FRMD8: variants seen among roughly 807,000 people sequenced by gnomAD.
The protein encoded by FRMD8 is FERM domain-containing protein 8.
Under a neutral mutation model 54.2 loss-of-function variants are expected in FRMD8, and 37 were observed. That is an observed-to-expected ratio of 0.68 (90% CI 0.53 to 0.90). The LOEUF (loss-of-function observed/expected upper bound fraction) is 0.90. Among genes scored for constraint, FRMD8 ranks in the 40% least tolerant of loss-of-function variants. FRMD8 has a pLI of 0.00. For synonymous variants in FRMD8, 246 were observed against 286.9 expected, an observed-to-expected ratio of 0.86 and a Z score of 1.44; for missense variants, 585 against 653.7, an observed-to-expected ratio of 0.89 and a Z score of 1.15.
the FRMD8 span, among the ~76,000 whole-genome samples, chr11:65,370,993 G>A: frequency 6.6e-6 from 1 of 152,196 alleles, no homozygotes; most frequent in Non-Finnish European, 1.5e-5. Context: ...GAGCTCCTCT[G>A]AGGCATCGGC....
At chr11:65,393,978 T>C in intron 4 of FRMD8, 63 bp from the exon 5 acceptor site, 1 of 1,571,354 alleles carries the variant, frequency 6.4e-7, no homozygotes, top group Non-Finnish European at 8.7e-7. Context: ...CCTGGGCCAA[T>C]CGGGAGAGGG....
the FRMD8 span, chr11:65,380,651 G>A: frequency 7.9e-7 from 1 of 1,271,386 alleles, no homozygotes. Context: ...GGTCATGCCT[G>A]GGCACCTGCA....
the FRMD8 span, among the ~76,000 whole-genome samples, chr11:65,370,570 G>A: frequency 2.6e-5 from 4 of 151,026 alleles, no homozygotes; most frequent in East Asian, 4.0e-4. Context: ...GTGTGATGGC[G>A]GGTGCCTGTA....
chr11:65,396,916 C>T lies in FRMD8; in HGVS notation c.699C>T (p.Ala233=), dbSNP rs764605271. Residue 233 remains alanine, a synonymous_variant, in exon 7 of 11, where the codon GCC becomes GCT. Coordinates refer to ENST00000317568, the MANE Select transcript of FRMD8 (RefSeq NM_031904.5). ...AGPGEQGLLN[A]YRQVQEVSSD... ...CGGGCGAGCAGGGCCTGCTGAACGC[C>T]TACCGCCAGGTGCAGGAGGTCAGCA... 3.9e-6 allele frequency: 6 copies of T among 1,554,476 alleles called. No homozygotes were observed. In the South Asian group the frequency reaches 7.2e-5, roughly 19 times the overall value.
chr11:65,380,045 C>T, the FRMD8 span: 1 of 1,584,446 alleles, frequency 6.3e-7, no homozygotes, highest in South Asian at 1.1e-5. Flanking sequence ...GCAGGAAAGG[C>T]AAGATTAGCC....
intron 10 of FRMD8, 85 bp downstream of exon 10, chr11:65,405,153 C>A: frequency 7.6e-7 from 1 of 1,319,576 alleles, no homozygotes. Context: ...CAGGGCATTG[C>A]AGAGCAGCTC....
intron 3 of FRMD8, among the ~76,000 whole-genome samples, chr11:65,392,122 G>A (rs1246661539): frequency 6.6e-6 from 1 of 152,192 alleles, no homozygotes; most frequent in Non-Finnish European, 1.5e-5. Context: ...CAGATGGGTG[G>A]GGCCCAGGGT....
chr11:65,405,143 CAG>C lies in FRMD8; in HGVS notation c.1276+76_1276+77del, dbSNP rs781445235. 1.4e-5 allele frequency: 20 copies of C among 1,392,454 alleles called. No homozygotes were observed. The East Asian group carries it at 1.8e-4, about 13-fold the overall frequency. 86.3% of individuals were successfully genotyped at this position (1,392,454 alleles called of 1,614,324 possible). ...ACACACCGGGGGGAGTTCCTGAGGA[CAG>C]GGCATTGCAGAGCAGCTCCAGACCC... On this transcript the variant is annotated intron_variant, in intron 10 of 10. Coordinates refer to ENST00000317568, the MANE Select transcript of FRMD8 (RefSeq NM_031904.5).
At chr11:65,403,821 C>T (rs573377478) in intron 9 of FRMD8, among the ~76,000 whole-genome samples, 1 of 152,292 alleles carries the variant, frequency 6.6e-6, no homozygotes, top group East Asian at 1.9e-4. Flanking sequence ...GCTTCCTGAG[C>T]CTCAGAGGCA....
intron 6 of FRMD8, among the ~76,000 whole-genome samples, chr11:65,396,059 C>T (rs1855947532): frequency 6.6e-6 from 1 of 152,190 alleles, no homozygotes; most frequent in African/African-American, 2.4e-5. Context: ...ACTGCGGGTG[C>T]TCAGGGTGGT....
At chr11:65,399,953 C>A in intron 8 of FRMD8, 94 bp downstream of exon 8, 8 of 1,452,504 alleles carry the variant, frequency 5.5e-6, no homozygotes, top group Non-Finnish European at 7.5e-6. Context: ...GGCCTGGGGG[C>A]AAGGTGGATG....
At chr11:65,397,328 C>T (rs1402846054) in intron 7 of FRMD8, among the ~76,000 whole-genome samples, 1 of 152,248 alleles carries the variant, frequency 6.6e-6, no homozygotes, top group Non-Finnish European at 1.5e-5. Context: ...TAACAAACAG[C>T]TCTGTGCACC....
At chr11:65,408,076 C>CT (rs757980759) in intron 10 of FRMD8, among the ~76,000 whole-genome samples, 15,031 of 139,588 alleles carry the variant, frequency 0.11, 885 homozygotes, top group South Asian at 0.28. Flanking sequence ...ATTGTTTTTT[C>CT]TTTTTTTTTT....
At chr11:65,369,601 G>A in the FRMD8 span, among the ~76,000 whole-genome samples, 1 of 151,710 alleles carries the variant, frequency 6.6e-6, no homozygotes, top group African/African-American at 2.4e-5. Context: ...TTGGTGGTGG[G>A]CACCTGTAAT....
At chr11:65,406,381 A>T (rs1461955125) in intron 10 of FRMD8, among the ~76,000 whole-genome samples, 1 of 151,870 alleles carries the variant, frequency 6.6e-6, no homozygotes, top group Non-Finnish European at 1.5e-5. Context: ...TTTGTAGTAG[A>T]GACGGGGTTT....
At chr11:65,381,257 A>T in the FRMD8 span, 1 of 153,386 alleles carries the variant, frequency 6.5e-6, no homozygotes, top group Admixed American at 6.5e-5. Context: ...CAGCCTCTGG[A>T]GTAGTTGGGA....
chr11:65,407,015 G>A (rs181693672), intron 10 of FRMD8, among the ~76,000 whole-genome samples: 4 of 152,154 alleles, frequency 2.6e-5, no homozygotes, highest in Non-Finnish European at 5.9e-5. Flanking sequence ...TGGAAGAGAG[G>A]ACATTTGTGG....
In FRMD8 at chr11:65,400,773, C is replaced by G. The variant is rs569914571; in HGVS notation, c.977C>G (p.Ser326Cys). 6.2e-7 allele frequency: 1 copy of G among 1,611,294 alleles called. No homozygotes were observed. The highest frequency in any genetic ancestry group is 1.1e-5 in the South Asian group (1 of 90,288). ...RFQELSWDHT[S>C]PEEEEPILWL... is the part of the protein sequence containing the mutation. ...CAGGAGCTGTCGTGGGACCACACCT[C>G]CCCCGAGGAGGAGGAGCCCATCTTG... Residue 326 changes from serine (S) to cysteine (C), a missense_variant, in exon 9 of 11, where the codon TCC becomes TGC. By Grantham distance (112) the Ser-to-Cys change is moderately radical. Transcript: ENST00000317568. This position sits in a 1 kb window ranked among gnomAD's most constrained non-coding sequence, Gnocchi z 4.3.
the FRMD8 span, chr11:65,380,167 C>T: frequency 2.5e-6 from 4 of 1,614,168 alleles, no homozygotes; most frequent in Non-Finnish European, 3.4e-6. Context: ...AGGACCAAGC[C>T]CAGAGCGCCT....
Sources: allele counts gnomAD v4.1 joint callset (sites outside exome capture counted in the v4.1 genomes callset), GRCh38; gene constraint gnomAD v4.1.1; non-coding constraint Gnocchi (gnomAD v3.1); transcripts MANE v1.5; gene names NCBI Gene and HGNC (gene_info 2026-07-23, HGNC 2026-07-21).